CRTC3: variants seen among roughly 807,000 people sequenced by gnomAD.
The protein encoded by CRTC3 is CREB-regulated transcription coactivator 3.
Under a neutral mutation model 74.5 loss-of-function variants are expected in CRTC3, and 26 were observed. The ratio of observed to expected loss-of-function variants is 0.35; its 90% CI spans 0.26 to 0.48. CRTC3 has a LOEUF of 0.48. Among genes scored for constraint, CRTC3 ranks in the 20% least tolerant of loss-of-function variants. The probability of loss-of-function intolerance (pLI) is 0.99; values close to 1 mark genes in which losing one functional copy is unlikely to be tolerated. For synonymous variants in CRTC3, 377 were observed against 325.8 expected, an observed-to-expected ratio of 1.16 and a Z score of -1.69; for missense variants, 760 against 787.3, an observed-to-expected ratio of 0.97 and a Z score of 0.41.
chr15:90,587,937 T>C lies in CRTC3; in HGVS notation c.232-5699T>C, dbSNP rs552730412. 2.0e-5 allele frequency among the ~76,000 whole-genome samples: 3 copies of C among 148,672 alleles called. No homozygotes were observed. The South Asian group carries it at 6.8e-4, about 34-fold the overall frequency. ...CTCCCATTTGCAGATTCTTTTGACT[T>C]ACACCTCCCTTGTTCTTCAAGAAAA... On this transcript the variant is annotated intron_variant, in intron 2 of 14. Coordinates refer to ENST00000268184, the MANE Select transcript of CRTC3 (RefSeq NM_022769.5).
intron 2 of CRTC3, among the ~76,000 whole-genome samples, chr15:90,586,166 G>T (rs566913454): frequency 2.6e-5 from 4 of 152,040 alleles, no homozygotes; most frequent in Non-Finnish European, 5.9e-5. Flanking sequence ...TCATCATGAG[G>T]TCTGTCATTG....
At chr15:90,589,693 G>A (rs1013884615) in intron 2 of CRTC3, among the ~76,000 whole-genome samples, 5 of 152,184 alleles carry the variant, frequency 3.3e-5, no homozygotes, top group African/African-American at 9.7e-5. Flanking sequence ...AACGTGCAAT[G>A]TTTAAAATAC....
At chr15:90,552,698 T>C (rs1221333413) in intron 2 of CRTC3, among the ~76,000 whole-genome samples, 1 of 152,230 alleles carries the variant, frequency 6.6e-6, no homozygotes. Flanking sequence ...GTGGGGATTA[T>C]AATAGTAATT....
At chr15:90,634,718 G>C (rs1969169843) in intron 11 of CRTC3, 1 of 739,450 alleles carries the variant, frequency 1.4e-6, no homozygotes, top group Non-Finnish European at 2.4e-6. Context: ...CTGAGGCGAA[G>C]GGAGTCATGG....
chr15:90,613,185 GAAA>G (rs34111646), intron 6 of CRTC3, among the ~76,000 whole-genome samples: 71,450 of 113,712 alleles, frequency 0.63, 22,389 homozygotes, highest in Middle Eastern at 0.71. Flanking sequence ...TCTGTCTCGG[GAAA>G]AAAAAAAAAA....
At chr15:90,575,751 T>C (rs1303876470) in intron 2 of CRTC3, among the ~76,000 whole-genome samples, 2 of 152,244 alleles carry the variant, frequency 1.3e-5, no homozygotes, top group Admixed American at 1.3e-4. Context: ...CCTGGTAAGA[T>C]TAATTCACTT....
intron 2 of CRTC3, among the ~76,000 whole-genome samples, chr15:90,581,175 G>A (rs1967532083): frequency 2.0e-5 from 3 of 152,146 alleles, no homozygotes; most frequent in South Asian, 2.1e-4. Flanking sequence ...TGGCTGGCCC[G>A]GAAGATCATT....
chr15:90,613,040 A>C (rs934614522), intron 6 of CRTC3, among the ~76,000 whole-genome samples: 2 of 152,186 alleles, frequency 1.3e-5, no homozygotes, highest in East Asian at 3.9e-4. Flanking sequence ...CTCTACCAAA[A>C]AATAGAAAAA....
At chr15:90,597,016 C>T (rs374634801) in intron 3 of CRTC3, among the ~76,000 whole-genome samples, 2 of 152,238 alleles carry the variant, frequency 1.3e-5, no homozygotes, top group Non-Finnish European at 1.5e-5. Flanking sequence ...AGCCACAGCA[C>T]GCAGAGCTCT....
intron 2 of CRTC3, among the ~76,000 whole-genome samples, chr15:90,551,405 T>C (rs1410220025): frequency 1.3e-5 from 2 of 152,206 alleles, no homozygotes; most frequent in Admixed American, 6.5e-5. Flanking sequence ...TTTGTGGCTA[T>C]TTCCATTAAT....
chr15:90,604,337 G>C, intron 4 of CRTC3, 48 bp from the exon 5 acceptor site: 1 of 1,481,596 alleles, frequency 6.7e-7, no homozygotes, highest in African/African-American at 1.4e-5. Flanking sequence ...CTCCTTTGCT[G>C]TCTGTGGATT....
chr15:90,585,702 T>C (rs1967644584), intron 2 of CRTC3, among the ~76,000 whole-genome samples: 2 of 152,286 alleles, frequency 1.3e-5, no homozygotes, highest in Admixed American at 1.3e-4. Context: ...AGAGCAGAAT[T>C]CCACTCCCTC....
intron 2 of CRTC3, among the ~76,000 whole-genome samples, chr15:90,543,213 A>C (rs1273494478): frequency 7.0e-6 from 1 of 143,760 alleles, no homozygotes; most frequent in African/African-American, 2.6e-5. Flanking sequence ...GGGAGGATTG[A>C]GTGCTTGAGT....
intron 2 of CRTC3, among the ~76,000 whole-genome samples, chr15:90,540,677 G>A (rs978576296): frequency 1.3e-5 from 2 of 152,128 alleles, no homozygotes; most frequent in African/African-American, 2.4e-5. Context: ...GGAAGCTGAG[G>A]CATGAGAATC....
At chr15:90,637,284 C>G (rs1043437800) in intron 11 of CRTC3, among the ~76,000 whole-genome samples, 1 of 152,172 alleles carries the variant, frequency 6.6e-6, no homozygotes, top group Non-Finnish European at 1.5e-5. Context: ...AACCATCATT[C>G]TCAGCAAACT....
intron 2 of CRTC3, among the ~76,000 whole-genome samples, chr15:90,553,089 T>C (rs1966864954): frequency 6.6e-6 from 1 of 152,232 alleles, no homozygotes; most frequent in Non-Finnish European, 1.5e-5. Context: ...TAAATTATTT[T>C]AGCATGAATT....
At chr15:90,551,236 T>C (rs1384451506) in intron 2 of CRTC3, among the ~76,000 whole-genome samples, 1 of 152,188 alleles carries the variant, frequency 6.6e-6, no homozygotes, top group East Asian at 1.9e-4. Context: ...CTCTGGAAAC[T>C]AAAGTACTAA....
At chr15:90,583,752 G>T (rs1362373987) in intron 2 of CRTC3, among the ~76,000 whole-genome samples, 3 of 152,160 alleles carry the variant, frequency 2.0e-5, no homozygotes, top group Non-Finnish European at 4.4e-5. Context: ...AAGGAAGAGT[G>T]TTGGGGGCTG....
chr15:90,580,376 A>G (rs974731955), intron 2 of CRTC3, among the ~76,000 whole-genome samples: 1 of 151,814 alleles, frequency 6.6e-6, no homozygotes, highest in Non-Finnish European at 1.5e-5. Context: ...ACTTGCAGAT[A>G]GGAAGAATAG....
Sources: allele counts gnomAD v4.1 joint callset (sites outside exome capture counted in the v4.1 genomes callset), GRCh38; gene constraint gnomAD v4.1.1; transcripts MANE v1.5; gene names NCBI Gene and HGNC (gene_info 2026-07-23, HGNC 2026-07-21).